DEFB131A: variants seen among roughly 807,000 people sequenced by gnomAD.
The protein encoded by DEFB131A is beta-defensin 131A.
Under a neutral mutation model 2.4 loss-of-function variants are expected in DEFB131A, and 5 were observed. The ratio of observed to expected loss-of-function variants is 2.12; its 90% CI spans 1.11 to 4.47. DEFB131A has a LOEUF of 4.47. Ranked by LOEUF, DEFB131A falls within the 30% of genes most tolerant of loss-of-function variation. DEFB131A has a pLI of 0.00. For missense variants in DEFB131A, 120 were observed against 79.9 expected (o/e 1.50, Z -1.91); for synonymous variants, 34 against 25.7 (o/e 1.32, Z -0.97).
At chr4:9,449,800 G>C (rs1717607192) in intron 1 of DEFB131A, among the ~76,000 whole-genome samples, 1 of 152,108 alleles carries the variant, frequency 6.6e-6, no homozygotes, top group South Asian at 2.1e-4. Flanking sequence ...TGGGAAGCTG[G>C]AACTAAGACT....
intron 1 of DEFB131A, 25 bp from the exon 2 acceptor site, chr4:9,450,335 T>C (rs762592918): frequency 6.6e-6 from 10 of 1,525,170 alleles, no homozygotes; most frequent in African/African-American, 5.5e-5. Flanking sequence ...TATTGTGTCA[T>C]ATAATTTGTC....
Position 9,444,423 on chromosome 4 carries a change from G to C in DEFB131A, c.-111G>C. The C allele has an allele frequency of 1.6e-6, 2 of 1,215,076 alleles. No individual in the cohort carries two copies. The highest frequency in any genetic ancestry group is 2.3e-6 in the Non-Finnish European group (2 of 853,924). The allele number at this position is 1,215,076 out of a possible 1,614,324, so 75.3% of individuals were successfully genotyped here. ...GAAACACAGAAATGTTCTTGCTCCTGAAAGGTTCAATAATCACTCAACAAC... is the reference window on the plus strand; with the variant it reads ...GAAACACAGAAATGTTCTTGCTCCTCAAAGGTTCAATAATCACTCAACAAC... On this transcript the variant is annotated 5_prime_UTR_variant, in exon 1 of 2. Transcript: ENST00000334879.
At position 9,450,406 on chromosome 4, in the gene DEFB131A, T is replaced by A. The variant is rs1211201110; in HGVS notation, c.105T>A (p.His35Gln). The change falls in exon 2 of 2, where the codon CAT becomes CAA. Residue 35 changes from histidine (H) to glutamine (Q), a missense_variant. Coordinates refer to ENST00000334879, the MANE Select transcript of DEFB131A (RefSeq NM_001040448.3). ...ATGAATGTCCTTCAGAATATTATCA[T>A]TGCAGACTGAAGTGCAATGCTGATG... is the stretch of plus-strand genomic sequence containing the variant. The part of the protein sequence containing the change: ...SNDECPSEYY[H>Q]CRLKCNADEH... The A allele has an allele frequency of 1.9e-6, 3 of 1,605,182 alleles. No homozygotes were observed. Among genetic ancestry groups the A allele is most frequent in the Non-Finnish European group, 2.6e-6 (3 of 1,175,890 alleles).
chr4:9,444,489 C>A lies in DEFB131A; in HGVS notation c.-45C>A, dbSNP rs1717429121. Reference sequence around the variant, plus strand: ...ACTGAATGTACACAGAAGTCCTCTTCATCTCAGCTACTGATTCTCTCTAAC... The same window carrying A: ...ACTGAATGTACACAGAAGTCCTCTTAATCTCAGCTACTGATTCTCTCTAAC... On this transcript the variant is annotated 5_prime_UTR_variant, in exon 1 of 2. Coordinates refer to ENST00000334879, the MANE Select transcript of DEFB131A (RefSeq NM_001040448.3). The A allele has an allele frequency of 1.9e-6, 3 of 1,602,602 alleles. No individual in the cohort carries two copies. Among genetic ancestry groups the A allele is most frequent in the Non-Finnish European group, 2.6e-6 (3 of 1,174,928 alleles).
chr4:9,449,798 TG>T (rs1717607130), intron 1 of DEFB131A, among the ~76,000 whole-genome samples: 1 of 152,176 alleles, frequency 6.6e-6, no homozygotes, highest in African/African-American at 2.4e-5. Context: ...GCTGGGAAGC[TG>T]GAACTAAGAC....
At chr4:9,449,728 C>T (rs1717605269) in intron 1 of DEFB131A, among the ~76,000 whole-genome samples, 2 of 152,042 alleles carry the variant, frequency 1.3e-5, no homozygotes, top group African/African-American at 4.8e-5. Context: ...GGGTTATAGG[C>T]TCCTGTGCAT....
intron 1 of DEFB131A, 34 bp from the exon 2 acceptor site, chr4:9,450,326 A>G: frequency 4.7e-6 from 7 of 1,498,850 alleles, no homozygotes; most frequent in Non-Finnish European, 6.2e-6. Context: ...AGTAAGTAAT[A>G]TTGTGTCATA....
chr4:9,450,617 A>C lies in DEFB131A; in HGVS notation c.*103A>C. On this transcript the variant is annotated 3_prime_UTR_variant, in exon 2 of 2. Coordinates refer to ENST00000334879, the MANE Select transcript of DEFB131A (RefSeq NM_001040448.3). ...GATAGATGAAAATTATTATAATTGCATGTTTAGATGGTCAGGTGAAAATGA... is the reference window on the plus strand; with the variant it reads ...GATAGATGAAAATTATTATAATTGCCTGTTTAGATGGTCAGGTGAAAATGA... 7.0e-7 allele frequency: 1 copy of C among 1,419,572 alleles called. No individual in the cohort carries two copies. The highest frequency in any genetic ancestry group is 1.3e-5 in the South Asian group (1 of 74,620). The allele number at this position is 1,419,572 out of a possible 1,614,324, so 87.9% of individuals were successfully genotyped here.
chr4:9,450,589 C>T lies in DEFB131A; in HGVS notation c.*75C>T, dbSNP rs1577081114. 4 of 1,516,650 alleles carry T rather than the reference C, an allele frequency of 2.6e-6. No homozygotes were observed. Among genetic ancestry groups the T allele is most frequent in the Non-Finnish European group, 3.6e-6 (4 of 1,124,308 alleles). The allele number at this position is 1,516,650 out of a possible 1,614,324, so 93.9% of individuals were successfully genotyped here. ...AACTCTCTTATCTATGAATAATTAACATGATAGATGAAAATTATTATAATT... is the reference window on the plus strand; with the variant it reads ...AACTCTCTTATCTATGAATAATTAATATGATAGATGAAAATTATTATAATT... On this transcript the variant is annotated 3_prime_UTR_variant, in exon 2 of 2. Transcript: ENST00000334879.
chr4:9,444,870 C>T (rs7377395), intron 1 of DEFB131A, among the ~76,000 whole-genome samples: 24,257 of 148,648 alleles, frequency 0.16, 2,106 homozygotes, highest in East Asian at 0.29. Flanking sequence ...AGTTCTAGAC[C>T]GACCTGGTGG....
chr4:9,450,663 TC>T lies in DEFB131A; in HGVS notation c.*151del. 8.1e-7 allele frequency: 1 copy of T among 1,230,510 alleles called. No homozygotes were observed. Among genetic ancestry groups the T allele is most frequent in the South Asian group, 1.5e-5 (1 of 65,238 alleles). The allele number at this position is 1,230,510 out of a possible 1,614,324, so 76.2% of individuals were successfully genotyped here. On this transcript the variant is annotated 3_prime_UTR_variant, in exon 2 of 2. Transcript: ENST00000334879. ...AATGAATATAAATTTTATAAATGCTTCCACTCTATTTTCATTTGTGCATTTT... is the reference window on the plus strand; with the variant it reads ...AATGAATATAAATTTTATAAATGCTTCACTCTATTTTCATTTGTGCATTTT...
At chr4:9,446,528 T>C (rs1717509162) in intron 1 of DEFB131A, among the ~76,000 whole-genome samples, 1 of 152,122 alleles carries the variant, frequency 6.6e-6, no homozygotes, top group South Asian at 2.1e-4. Flanking sequence ...TCTGTTTATC[T>C]CTTCCAAAAG....
chr4:9,444,418 C>T lies in DEFB131A; in HGVS notation c.-116C>T, dbSNP rs985571114. On this transcript the variant is annotated 5_prime_UTR_variant, in exon 1 of 2. Coordinates refer to ENST00000334879, the MANE Select transcript of DEFB131A (RefSeq NM_001040448.3). ...TCCTTGAAACACAGAAATGTTCTTG[C>T]TCCTGAAAGGTTCAATAATCACTCA... 2.7e-6 allele frequency: 3 copies of T among 1,113,568 alleles called. No homozygotes were observed. The highest frequency in any genetic ancestry group is 3.9e-6 in the Non-Finnish European group (3 of 765,268). The allele number at this position is 1,113,568 out of a possible 1,614,324, so 69.0% of individuals were successfully genotyped here. A position where few individuals can be genotyped will look rare whatever the true frequency, so the allele number is the denominator to read the frequency against.
intron 1 of DEFB131A, 106 bp from the exon 2 acceptor site, chr4:9,450,254 C>T: frequency 8.0e-7 from 1 of 1,247,520 alleles, no homozygotes. Flanking sequence ...TTTTGTTTTT[C>T]TGGGAAAGTT....
chr4:9,447,966 G>T (rs1048313352), intron 1 of DEFB131A, among the ~76,000 whole-genome samples: 4 of 151,760 alleles, frequency 2.6e-5, no homozygotes, highest in African/African-American at 9.7e-5. Flanking sequence ...AATTACAAAA[G>T]GAACAATATA....
At chr4:9,446,370 A>G (rs1386086467) in intron 1 of DEFB131A, among the ~76,000 whole-genome samples, 1 of 152,066 alleles carries the variant, frequency 6.6e-6, no homozygotes, top group Non-Finnish European at 1.5e-5. Flanking sequence ...CTTCGTATGG[A>G]TTATTTAGCA....
chr4:9,448,420 G>C (rs540776511), intron 1 of DEFB131A, among the ~76,000 whole-genome samples: 2 of 151,998 alleles, frequency 1.3e-5, no homozygotes, highest in African/African-American at 4.8e-5. Context: ...AGTGACCTTG[G>C]CTCACTGCAG....
chr4:9,446,145 T>A (rs1352414025), intron 1 of DEFB131A, among the ~76,000 whole-genome samples: 1 of 152,148 alleles, frequency 6.6e-6, no homozygotes, highest in Non-Finnish European at 1.5e-5. Flanking sequence ...AGGAAAAGTA[T>A]AATTCTGTAT....
intron 1 of DEFB131A, among the ~76,000 whole-genome samples, chr4:9,449,403 C>A (rs1717594075): frequency 1.5e-5 from 2 of 130,390 alleles, no homozygotes; most frequent in South Asian, 5.4e-4. Flanking sequence ...CTTACACAGT[C>A]CACTGGCCTT....
Sources: gnomAD v4.1 joint callset for allele counts (sites outside exome capture counted in the v4.1 genomes callset) on GRCh38, gnomAD v4.1.1 for gene constraint, MANE v1.5 for transcripts, NCBI Gene and HGNC (gene_info 2026-07-23, HGNC 2026-07-21) for gene names.